KDM2B: variants seen among roughly 807,000 people sequenced by gnomAD.
KDM2B encodes the protein lysine demethylase 2B.
KDM2B carries 26 observed loss-of-function variants against 150.0 expected under a neutral mutation model. The ratio of observed to expected loss-of-function variants is 0.17; its 90% CI spans 0.13 to 0.24. The LOEUF is 0.24. KDM2B is among the 10% of genes least tolerant of loss of function. The pLI, the probability that KDM2B is intolerant of heterozygous loss-of-function variation, is 1.00. For synonymous variants in KDM2B, 734 were observed against 729.5 expected (o/e 1.01, Z -0.10); for missense variants, 1,265 against 1,816.9 (o/e 0.70, Z 5.52).
rs567742871 is a variant in KDM2B, at chr12:121,518,883, G to A, written c.1047+2102C>T. On this transcript the variant is annotated intron_variant, in intron 9 of 22. Transcript: ENST00000377071. The surrounding 1 kb of genome is among the most constrained non-coding windows in gnomAD (Gnocchi z 4.4). ...CAAAGAACAGTTGGCCGGAGCCCCA[G>A]ACAGCATTGACCCAGACTGTGAGGT... 4.6e-5 allele frequency among the ~76,000 whole-genome samples: 7 copies of A among 152,322 alleles called. No homozygotes were observed. The highest frequency in any genetic ancestry group is 1.4e-4 in the African/African-American group (6 of 41,574).
rs1886692370 is a variant in KDM2B at position 121,521,579 on chromosome 12, A to C, written c.932-479T>G. 6.6e-6 allele frequency among the ~76,000 whole-genome samples: 1 copy of C among 152,068 alleles called. No individual in the cohort carries two copies. The highest frequency in any genetic ancestry group is 1.5e-5 in the Non-Finnish European group (1 of 68,018). On this transcript the variant is annotated intron_variant, in intron 8 of 22. Coordinates refer to ENST00000377071, the MANE Select transcript of KDM2B (RefSeq NM_032590.5). The surrounding 1 kb of genome is among the most constrained non-coding windows in gnomAD (Gnocchi z 4.9). The stretch of plus-strand genomic sequence containing the variant: ...AGTGACGTCTTGCCAGAGCTGCAGG[A>C]CCCAAGCACTTTCCTCCGCCCAAGT...
intron 9 of KDM2B, among the ~76,000 whole-genome samples, chr12:121,516,132 T>C (rs1159608938): frequency 6.6e-6 from 1 of 152,100 alleles, no homozygotes; most frequent in African/African-American, 2.4e-5. Context: ...AAAAGCAAGC[T>C]GAGGACGGAC....
chr12:121,431,295 CTTT>C (rs71453557), intron 22 of KDM2B, among the ~76,000 whole-genome samples: 1,336 of 98,856 alleles, frequency 0.014, 16 homozygotes, highest in African/African-American at 0.059. Flanking sequence ...CCATGTGCAA[CTTT>C]TTTTTTTTTT....
At chr12:121,434,889 G>A (rs114177936) in intron 22 of KDM2B, among the ~76,000 whole-genome samples, 1,897 of 152,266 alleles carry the variant, frequency 0.012, 47 homozygotes, top group African/African-American at 0.043. Context: ...CCCAGGAGGC[G>A]GAAGCTGCAG....
chr12:121,574,385 T>C (rs569213068), intron 4 of KDM2B, 162 bp downstream of exon 4: 1 of 622,452 alleles, frequency 1.6e-6, no homozygotes, highest in Admixed American at 2.9e-5. Flanking sequence ...ACCCTACCTG[T>C]TCTCCAGAAT....
intron 4 of KDM2B, among the ~76,000 whole-genome samples, chr12:121,559,821 T>TA (rs782532964): frequency 5.3e-5 from 8 of 150,332 alleles, no homozygotes; most frequent in Non-Finnish European, 8.8e-5. Context: ...GAGAACTGCT[T>TA]AAACCCGGGA....
chr12:121,544,375 C>A (rs1555310270), intron 6 of KDM2B, among the ~76,000 whole-genome samples: 1 of 152,186 alleles, frequency 6.6e-6, no homozygotes, highest in African/African-American at 2.4e-5. Flanking sequence ...CTTTGGGAAG[C>A]CAAGGCAGGT....
Position 121,439,841 on chromosome 12 carries a change from G to T in KDM2B, c.3829+16C>A. On this transcript the variant is annotated intron_variant, in intron 22 of 22. Transcript: ENST00000377071. ...CACGGAGTGTTAGGCAGACCCGATG[G>T]GGGCCCCTGACTCACCAGACAGGTT... is the stretch of plus-strand genomic sequence containing the variant. The T allele has an allele frequency of 6.2e-7, 1 of 1,609,814 alleles. No individual in the cohort carries two copies. The highest frequency in any genetic ancestry group is 1.3e-5 in the African/African-American group (1 of 74,898).
intron 8 of KDM2B, among the ~76,000 whole-genome samples, chr12:121,528,024 T>C (rs1462506080): frequency 2.0e-5 from 3 of 152,208 alleles, no homozygotes; most frequent in Admixed American, 2.0e-4. Context: ...CTTTCCTTAC[T>C]GATAATTATA....
At chr12:121,465,152 A>G (rs181216211) in intron 12 of KDM2B, among the ~76,000 whole-genome samples, 1 of 152,356 alleles carries the variant, frequency 6.6e-6, no homozygotes, top group African/African-American at 2.4e-5. Flanking sequence ...CACAAGTGCC[A>G]CAATCGGCTT....
At chr12:121,523,717 G>A (rs1490333270) in intron 8 of KDM2B, among the ~76,000 whole-genome samples, 2 of 152,238 alleles carry the variant, frequency 1.3e-5, no homozygotes, top group Non-Finnish European at 2.9e-5. Context: ...GGGAGAGCAA[G>A]GGAAAGCTCA....
At chr12:121,411,358 A>G in the KDM2B span, among the ~76,000 whole-genome samples, 4 of 152,196 alleles carry the variant, frequency 2.6e-5, no homozygotes, top group Non-Finnish European at 4.4e-5. Flanking sequence ...GTCCCCCTCC[A>G]AAATTGGTAT....
At chr12:121,566,689 AG>A (rs1890728933) in intron 4 of KDM2B, among the ~76,000 whole-genome samples, 1 of 151,286 alleles carries the variant, frequency 6.6e-6, no homozygotes, top group Non-Finnish European at 1.5e-5. Flanking sequence ...CCAGCTATTC[AG>A]GAGGATGAGG....
chr12:121,459,489 C>T (rs115034798), intron 12 of KDM2B, among the ~76,000 whole-genome samples: 4,823 of 151,256 alleles, frequency 0.032, 242 homozygotes, highest in African/African-American at 0.11. Flanking sequence ...TCTGATATGA[C>T]ACCAAAAGCA....
chr12:121,515,859 C>A (rs575094656), intron 9 of KDM2B, among the ~76,000 whole-genome samples: 1 of 152,234 alleles, frequency 6.6e-6, no homozygotes, highest in Admixed American at 6.5e-5. Flanking sequence ...CTTCAGCCCC[C>A]TGGGGGATGC....
chr12:121,540,037 G>A (rs1411456894), intron 6 of KDM2B, among the ~76,000 whole-genome samples: 1 of 152,114 alleles, frequency 6.6e-6, no homozygotes, highest in African/African-American at 2.4e-5. Flanking sequence ...ACCGCAGCTC[G>A]CCTAACCCTA....
At chr12:121,473,472 A>C (rs1337989318) in intron 12 of KDM2B, among the ~76,000 whole-genome samples, 1 of 151,810 alleles carries the variant, frequency 6.6e-6, no homozygotes, top group Non-Finnish European at 1.5e-5. Flanking sequence ...TAATCCCAGC[A>C]CTTTGGGAGG....
intron 9 of KDM2B, chr12:121,516,487 C>T (rs1555305019): frequency 3.6e-6 from 5 of 1,369,918 alleles, no homozygotes; most frequent in Admixed American, 4.5e-5. Flanking sequence ...TGTCGCCTTC[C>T]ACCCTTCGCC....
chr12:121,421,371 T>TACA, the KDM2B span, among the ~76,000 whole-genome samples: 268 of 46,360 alleles, frequency 5.8e-3, 31 homozygotes, highest in African/African-American at 0.018. Context: ...ATCCCATCTC[T>TACA]AAAAAAAAAA....
Sources: gnomAD v4.1 joint callset for allele counts (sites outside exome capture counted in the v4.1 genomes callset) on GRCh38, gnomAD v4.1.1 for gene constraint, Gnocchi (gnomAD v3.1) non-coding constraint, MANE v1.5 for transcripts, NCBI Gene and HGNC (gene_info 2026-07-23, HGNC 2026-07-21) for gene names.